The following UBR4 variants were observed in gnomAD, a reference collection of about 807,000 sequenced individuals.
UBR4 encodes ubiquitin protein ligase E3 component n-recognin 4.
UBR4 carries 124 observed loss-of-function variants against 575.6 expected under a neutral mutation model. That is an observed-to-expected ratio of 0.22 (90% confidence interval 0.19 to 0.25). The LOEUF (loss-of-function observed/expected upper bound fraction) is 0.25. Among genes scored for constraint, UBR4 ranks in the 10% least tolerant of loss-of-function variants. The pLI is 1.00. For synonymous variants in UBR4, 2,455 were observed against 2,473.7 expected (o/e 0.99, Z 0.22); for missense variants, 4,818 against 6,478.8 (o/e 0.74, Z 8.80).
chr1:19,111,060 G>A (rs1455707127), intron 78 of UBR4, among the ~76,000 whole-genome samples: 3 of 152,132 alleles, frequency 2.0e-5, no homozygotes, highest in Non-Finnish European at 2.9e-5. Context: ...GCTAACTGAG[G>A]GAAGAGCAGC....
chr1:19,175,019 G>A lies in UBR4; in HGVS notation c.2788C>T (p.Pro930Ser). 1.9e-6 allele frequency: 3 copies of A among 1,613,706 alleles called. No homozygotes were observed. The highest frequency in any genetic ancestry group is 2.5e-6 in the Non-Finnish European group (3 of 1,179,828). ...GGGGACAGGACACAGTAGAATCTGGGGTGTGGGACAGCATCTGAAAAGTAA... is the reference window on the plus strand; with the variant it reads ...GGGGACAGGACACAGTAGAATCTGGAGTGTGGGACAGCATCTGAAAAGTAA... ...KHFSSDAVPH[P>S]RFYCVLSPEA... Residue 930 changes from proline (P) to serine (S), a missense_variant, in exon 21 of 106, where the codon CCC (proline) becomes TCC (serine). By Grantham distance (74) the Pro-to-Ser change is moderately conservative (BLOSUM62 -1). This residue lies in a region of UBR4 where 1,172 missense variants were observed against 1,259.7 expected (regional missense o/e 0.93). Coordinates refer to ENST00000375254, the MANE Select transcript of UBR4 (RefSeq NM_020765.3).
chr1:19,166,900 T>A (rs200854388), intron 29 of UBR4, 122 bp downstream of exon 29: 2 of 993,606 alleles, frequency 2.0e-6, no homozygotes, highest in South Asian at 1.7e-5. Flanking sequence ...TGTCTCAGAA[T>A]AAAAAAAAAA....
intron 49 of UBR4, among the ~76,000 whole-genome samples, chr1:19,150,023 C>A (rs1292063621): frequency 6.6e-6 from 1 of 152,148 alleles, no homozygotes; most frequent in African/African-American, 2.4e-5. Context: ...TATAATATTT[C>A]ATCTACCATG....
At chr1:19,080,133 C>T (rs1185717322) in intron 103 of UBR4, 1 of 152,242 alleles carries the variant, frequency 6.6e-6, no homozygotes, top group Non-Finnish European at 1.5e-5. Context: ...ACTGGCCAAG[C>T]CTGACTTATC....
At chr1:19,136,973 A>C (rs999450057) in intron 60 of UBR4, among the ~76,000 whole-genome samples, 19 of 150,350 alleles carry the variant, frequency 1.3e-4, no homozygotes, top group East Asian at 1.9e-4. Flanking sequence ...TGCATCAGGC[A>C]CCATTTTTTT....
At chr1:19,129,584 C>T (rs2082195647) in intron 60 of UBR4, among the ~76,000 whole-genome samples, 2 of 152,206 alleles carry the variant, frequency 1.3e-5, no homozygotes, top group South Asian at 2.1e-4. Flanking sequence ...TCTCTCACAC[C>T]TTGTCCACCA....
rs1156943233 is a variant in UBR4, at chr1:19,094,961, C to T, written c.13691G>A (p.Ser4564Asn). The change falls in exon 94 of 106, where the codon AGC becomes AAC. Residue 4564 changes from serine (S) to asparagine (N), a missense_variant. Transcript: ENST00000375254. ...GGAAVAEQVLSIMEIILDESN... is the reference protein window; with the variant it reads ...GGAAVAEQVLNIMEIILDESN... ...CTCATCTAGAATGATCTCCATGATG[C>T]TAAGCACCTGCTCAGCCACAGCTGC... 6.2e-7 allele frequency: 1 copy of T among 1,614,068 alleles called. No homozygotes were observed. The highest frequency in any genetic ancestry group is 1.3e-5 in the African/African-American group (1 of 74,942).
chr1:19,187,107 TC>T (rs1207723699), intron 13 of UBR4, 56 bp downstream of exon 13: 2 of 1,185,160 alleles, frequency 1.7e-6, no homozygotes, highest in African/African-American at 3.2e-5. Flanking sequence ...CATATATATA[TC>T]ATATATATAA....
At chr1:19,111,310 T>A (rs955883766) in intron 78 of UBR4, among the ~76,000 whole-genome samples, 4 of 152,206 alleles carry the variant, frequency 2.6e-5, no homozygotes, top group Non-Finnish European at 4.4e-5. Flanking sequence ...CCCAACATAC[T>A]GAATAAGCCC....
intron 21 of UBR4, 98 bp downstream of exon 21, chr1:19,174,856 A>T: frequency 9.2e-7 from 1 of 1,086,896 alleles, no homozygotes; most frequent in Non-Finnish European, 1.4e-6. Context: ...ACATTTCCTC[A>T]CTATAAAAAG....
intron 99 of UBR4, among the ~76,000 whole-genome samples, chr1:19,087,141 G>T (rs1247649040): frequency 6.6e-6 from 1 of 152,256 alleles, no homozygotes; most frequent in Non-Finnish European, 1.5e-5. Flanking sequence ...AAATGCAGAA[G>T]TGACTTCTTG....
At chr1:19,134,960 T>G (rs551195009) in intron 60 of UBR4, among the ~76,000 whole-genome samples, 46 of 150,012 alleles carry the variant, frequency 3.1e-4, no homozygotes, top group Middle Eastern at 6.9e-3. Flanking sequence ...AGTTTATAGG[T>G]TTTTTTTTCC....
At position 19,074,823 on chromosome 1, in the gene UBR4, G is replaced by C; in HGVS notation, c.*9C>G. On this transcript the variant is annotated 3_prime_UTR_variant, in exon 106 of 106. Transcript: ENST00000375254. ...CTTCGTCTTCGCCGCCGCAGCTGCTGTGTGGTGGTCAGGGGACTGAGTTCA... is the reference window on the plus strand; with the variant it reads ...CTTCGTCTTCGCCGCCGCAGCTGCTCTGTGGTGGTCAGGGGACTGAGTTCA... 1 of 1,614,060 alleles carries C rather than the reference G, an allele frequency of 6.2e-7. No homozygotes were observed. The highest frequency in any genetic ancestry group is 8.5e-7 in the Non-Finnish European group (1 of 1,179,992).
At chr1:19,210,010 C>T (rs1430076625) in intron 1 of UBR4, 63 bp downstream of exon 1, 2 of 1,470,172 alleles carry the variant, frequency 1.4e-6, no homozygotes, top group East Asian at 2.9e-5. Flanking sequence ...CGGGTCCAGA[C>T]GATCCGGCTC....
At chr1:19,188,067 T>TAAATAAAA (rs1357747282) in intron 11 of UBR4, among the ~76,000 whole-genome samples, 7 of 150,280 alleles carry the variant, frequency 4.7e-5, no homozygotes, top group Admixed American at 2.6e-4. Flanking sequence ...AATAAATAAA[T>TAAATAAAA]AAAACCTCCT....
intron 48 of UBR4, chr1:19,151,389 G>A (rs61766799): frequency 3.5e-6 from 2 of 569,218 alleles, no homozygotes; most frequent in East Asian, 6.2e-5. Flanking sequence ...CCATTAGTGA[G>A]GTGGACACAA....
At chr1:19,166,963 C>G (rs796981206) in intron 29 of UBR4, 59 bp downstream of exon 29, 8 of 1,564,590 alleles carry the variant, frequency 5.1e-6, no homozygotes, top group Non-Finnish European at 7.0e-6. Context: ...AGTGTTAGTA[C>G]ATTTCACTGA....
chr1:19,147,013 A>G lies in UBR4; in HGVS notation c.7630-13T>C, dbSNP rs372529099. ...GCAAGGCCTGATCCTGTAAAACAACAGGAGCACAGAGGGTCAGCCATAAGC... is the reference window on the plus strand; with the variant it reads ...GCAAGGCCTGATCCTGTAAAACAACGGGAGCACAGAGGGTCAGCCATAAGC... On this transcript the variant is annotated splice_polypyrimidine_tract_variant and intron_variant, in intron 51 of 105. Transcript: ENST00000375254. 52 of 1,577,134 alleles carry G rather than the reference A, an allele frequency of 3.3e-5. No homozygotes were observed. The Admixed American group carries it at 6.2e-4, about 19-fold the overall frequency.
chr1:19,077,836 GGTT>G, intron 104 of UBR4, 137 bp downstream of exon 104: 1 of 1,550,544 alleles, frequency 6.4e-7, no homozygotes, highest in Non-Finnish European at 8.7e-7. Flanking sequence ...CCACAGTTGG[GGTT>G]GTTTGTTTCT....
Sources: gnomAD v4.1 joint callset for allele counts (sites outside exome capture counted in the v4.1 genomes callset) on GRCh38, gnomAD v4.1.1 for gene constraint, gnomAD v4.1.1 regional missense constraint, MANE v1.5 for transcripts, NCBI Gene and HGNC (gene_info 2026-07-23, HGNC 2026-07-21) for gene names.